RBFOX1: variants seen among roughly 807,000 people sequenced by gnomAD.
RBFOX1 encodes the protein RNA binding protein fox-1 homolog 1.
Under a neutral mutation model 57.7 loss-of-function variants are expected in RBFOX1, and 8 were observed. The ratio of observed to expected loss-of-function variants is 0.14; its 90% CI spans 0.08 to 0.25. The LOEUF (loss-of-function observed/expected upper bound fraction) is 0.25, where lower values mean the gene tolerates loss of function less well. RBFOX1 is among the 10% of genes least tolerant of loss of function. The probability of loss-of-function intolerance (pLI) is 1.00; values close to 1 mark genes in which losing one functional copy is unlikely to be tolerated. For missense variants in RBFOX1, 611 were observed against 548.5 expected (o/e 1.11, Z -1.14); for synonymous variants, 326 against 222.4 (o/e 1.47, Z -4.15).
In RBFOX1 at chr16:6,097,051, G is replaced by C. The variant is rs2096253398; in HGVS notation, c.-127+77059G>C. On this transcript the variant is annotated intron_variant, in intron 1 of 15. Coordinates refer to ENST00000550418, the MANE Select transcript of RBFOX1 (RefSeq NM_018723.4). The surrounding 1 kb of genome is among the most constrained non-coding windows in gnomAD (Gnocchi z 5.0). ...CTTCGTGGGAGATAACTGAATCATG[G>C]GGGTGGTTTCCCCCATACTGTTGTC... Among the ~76,000 whole-genome samples, 1 of 152,084 alleles carries C rather than the reference G, an allele frequency of 6.6e-6. No homozygotes were observed. The highest frequency in any genetic ancestry group is 6.5e-5 in the Admixed American group (1 of 15,270).
chr16:6,758,396 A>C (rs912829160), intron 3 of RBFOX1, among the ~76,000 whole-genome samples: 5 of 152,130 alleles, frequency 3.3e-5, no homozygotes, highest in African/African-American at 1.2e-4. Context: ...AACCAGACCA[A>C]AGCTATTTGT....
At chr16:5,382,074 C>G (rs1194478021) in intron 1 of RBFOX1, among the ~76,000 whole-genome samples, 2 of 152,284 alleles carry the variant, frequency 1.3e-5, no homozygotes, top group African/African-American at 4.8e-5. Flanking sequence ...ACAAAATCAC[C>G]CCCCTGGTTG....
chr16:6,213,468 T>C (rs2097311520), intron 1 of RBFOX1, among the ~76,000 whole-genome samples: 1 of 152,184 alleles, frequency 6.6e-6, no homozygotes, highest in African/African-American at 2.4e-5. Flanking sequence ...TCAGCTGCAT[T>C]TGAACTACTG....
intron 3 of RBFOX1, among the ~76,000 whole-genome samples, chr16:6,836,141 A>C (rs1023032256): frequency 6.6e-6 from 1 of 152,228 alleles, no homozygotes; most frequent in Admixed American, 6.5e-5. Flanking sequence ...ATGGTATTTC[A>C]TGGGTGAACC....
rs1599613575 is a variant in RBFOX1, at chr16:7,104,565, G to A, written c.27+52467G>A. On this transcript the variant is annotated intron_variant, in intron 4 of 15. Coordinates refer to ENST00000550418, the MANE Select transcript of RBFOX1 (RefSeq NM_018723.4). Reference sequence around the variant, plus strand: ...CGCAAATAATTTATGATAAAGGTGGGCTGAAAATGTTGGGCTTCTATAGTC... The same window carrying A: ...CGCAAATAATTTATGATAAAGGTGGACTGAAAATGTTGGGCTTCTATAGTC... Among the ~76,000 whole-genome samples, 3 of 152,130 alleles carry A rather than the reference G, an allele frequency of 2.0e-5. No homozygotes were observed. In the East Asian group the frequency reaches 5.8e-4, roughly 29 times the overall value.
chr16:7,474,970 C>T (rs1265068751), intron 4 of RBFOX1, among the ~76,000 whole-genome samples: 1 of 152,162 alleles, frequency 6.6e-6, no homozygotes, highest in Admixed American at 6.5e-5. Flanking sequence ...CCATCTTTCC[C>T]TTTGATTTTT....
chr16:6,685,533 G>A (rs994094613), intron 3 of RBFOX1, among the ~76,000 whole-genome samples: 6 of 148,934 alleles, frequency 4.0e-5, no homozygotes, highest in African/African-American at 9.9e-5. Context: ...GGTGATCCGC[G>A]TTCCTCACTC....
chr16:6,068,423 G>T (rs147002432), intron 1 of RBFOX1, among the ~76,000 whole-genome samples: 154 of 152,280 alleles, frequency 1.0e-3, no homozygotes, highest in African/African-American at 3.5e-3. Flanking sequence ...AGCCTACCTA[G>T]AGTTGTGCCT....
At chr16:5,762,601 C>T (rs923844286) in intron 3 of RBFOX1, among the ~76,000 whole-genome samples, 1 of 152,114 alleles carries the variant, frequency 6.6e-6, no homozygotes, top group Non-Finnish European at 1.5e-5. Context: ...CAAACTTAGC[C>T]GCAGAAGGCA....
chr16:7,610,174 C>A (rs927025969), intron 10 of RBFOX1, among the ~76,000 whole-genome samples: 1 of 120,432 alleles, frequency 8.3e-6, no homozygotes, highest in Non-Finnish European at 1.6e-5. Flanking sequence ...GGCTGGAGTG[C>A]AGTGGCATGA....
intron 3 of RBFOX1, among the ~76,000 whole-genome samples, chr16:6,828,670 A>G (rs775237435): frequency 3.3e-5 from 5 of 152,004 alleles, no homozygotes; most frequent in Non-Finnish European, 7.4e-5. Flanking sequence ...CTAGGACCTC[A>G]TGATGTGTTT....
chr16:7,568,634 C>A (rs2152749537), intron 5 of RBFOX1, among the ~76,000 whole-genome samples: 1 of 152,000 alleles, frequency 6.6e-6, no homozygotes, highest in Non-Finnish European at 1.5e-5. Flanking sequence ...GCCTGTAATC[C>A]CAGCACTGTG....
chr16:7,705,674 T>C (rs138346662), intron 14 of RBFOX1, among the ~76,000 whole-genome samples: 20 of 152,284 alleles, frequency 1.3e-4, no homozygotes, highest in Admixed American at 4.6e-4. Flanking sequence ...GGATTAGATT[T>C]ATATTTAAGT....
chr16:6,542,177 C>A (rs376075986), intron 2 of RBFOX1, among the ~76,000 whole-genome samples: 17 of 152,236 alleles, frequency 1.1e-4, no homozygotes, highest in African/African-American at 4.1e-4. Flanking sequence ...CTTCCTGCGT[C>A]TGCCTCTCAA....
chr16:6,773,178 G>GTCTA (rs2078679755), intron 3 of RBFOX1, among the ~76,000 whole-genome samples: 1 of 101,800 alleles, frequency 9.8e-6, no homozygotes, highest in Non-Finnish European at 1.9e-5. Flanking sequence ...ATTTGTGTGT[G>GTCTA]TGTGTGTGGG....
At chr16:5,543,940 T>C (rs1268694406) in intron 2 of RBFOX1, among the ~76,000 whole-genome samples, 2 of 152,122 alleles carry the variant, frequency 1.3e-5, no homozygotes, top group African/African-American at 4.8e-5. Context: ...AAACCTGAAA[T>C]AACTGCAAGG....
intron 2 of RBFOX1, among the ~76,000 whole-genome samples, chr16:5,526,996 G>A (rs1308088779): frequency 6.6e-6 from 1 of 152,158 alleles, no homozygotes; most frequent in Non-Finnish European, 1.5e-5. Context: ...AGGCTTAAAG[G>A]GATTAATGAG....
chr16:7,242,977 TTCC>T (rs370911578), intron 4 of RBFOX1, among the ~76,000 whole-genome samples: 11 of 152,172 alleles, frequency 7.2e-5, no homozygotes, highest in South Asian at 2.1e-4. Flanking sequence ...ATTTGTTCTC[TTCC>T]TCCTCCTCCT....
chr16:7,156,994 C>G (rs1188542346), intron 4 of RBFOX1, among the ~76,000 whole-genome samples: 3 of 152,188 alleles, frequency 2.0e-5, no homozygotes, highest in African/African-American at 7.2e-5. Context: ...AACAAACATA[C>G]ATCCTCTGCT....
Sources: gnomAD v4.1 joint callset for allele counts (sites outside exome capture counted in the v4.1 genomes callset) on GRCh38, gnomAD v4.1.1 for gene constraint, Gnocchi (gnomAD v3.1) non-coding constraint, MANE v1.5 for transcripts, NCBI Gene and HGNC (gene_info 2026-07-23, HGNC 2026-07-21) for gene names.